The following RALYL variants were observed in gnomAD, a reference collection of about 807,000 sequenced individuals.
RALYL encodes RALY RNA binding protein like.
A neutral mutation model predicts 35.1 loss-of-function variants in RALYL; 29 were observed. The observed-to-expected ratio is 0.83, with a 90% CI of 0.61 to 1.13. The LOEUF (loss-of-function observed/expected upper bound fraction) is 1.13, where lower values mean the gene tolerates loss of function less well. RALYL is among the 50% of genes most tolerant of loss of function. The pLI, the probability that RALYL is intolerant of heterozygous loss-of-function variation, is 0.00. For synonymous variants in RALYL, 120 were observed against 127.6 expected, an observed-to-expected ratio of 0.94 and a Z score of 0.40; for missense variants, 359 against 360.4, an observed-to-expected ratio of 1.00 and a Z score of 0.03.
intron 1 of RALYL, among the ~76,000 whole-genome samples, chr8:84,314,108 G>A (rs1843310568): frequency 6.6e-6 from 1 of 152,110 alleles, no homozygotes; most frequent in Non-Finnish European, 1.5e-5. Flanking sequence ...CAAGGCAGCA[G>A]GAGAGAGAGC....
chr8:84,576,164 A>C (rs1030466837), intron 2 of RALYL, among the ~76,000 whole-genome samples: 1 of 152,178 alleles, frequency 6.6e-6, no homozygotes, highest in African/African-American at 2.4e-5. Flanking sequence ...TTGCTTGTTT[A>C]AAATCAAAAC....
In RALYL at chr8:84,204,960, C is replaced by A. The variant is rs1817722136; in HGVS notation, c.-24+20536C>A. On this transcript the variant is annotated intron_variant, in intron 1 of 8. Transcript: ENST00000521268. ...TTATAGATGATAAACTGGAGGCTCA[C>A]TGGGCCTATGCTTCTTGCCCAGGAT... Among the ~76,000 whole-genome samples the A allele has an allele frequency of 2.0e-5, 3 of 152,118 alleles. No individual in the cohort carries two copies. In the South Asian group the frequency reaches 6.2e-4, roughly 31 times the overall value.
intron 4 of RALYL, among the ~76,000 whole-genome samples, chr8:84,826,523 A>T (rs1310256646): frequency 3.3e-5 from 5 of 152,056 alleles, no homozygotes; most frequent in Non-Finnish European, 1.5e-5. Context: ...TATACCAAAA[A>T]TGTCATCATT....
chr8:84,579,250 A>G (rs1189223432), intron 2 of RALYL, among the ~76,000 whole-genome samples: 1 of 152,186 alleles, frequency 6.6e-6, no homozygotes, highest in Admixed American at 6.5e-5. Context: ...AACAGCACCC[A>G]GGCTTGGCCA....
chr8:84,681,701 G>C (rs1485310571), intron 2 of RALYL, among the ~76,000 whole-genome samples: 1 of 152,154 alleles, frequency 6.6e-6, no homozygotes, highest in Non-Finnish European at 1.5e-5. Context: ...TATCCTAACT[G>C]TTTGCCGCAG....
intron 1 of RALYL, among the ~76,000 whole-genome samples, chr8:84,209,140 A>G (rs1293600762): frequency 1.3e-4 from 20 of 150,996 alleles, no homozygotes; most frequent in Middle Eastern, 6.9e-3. Flanking sequence ...AAAAAAAAAA[A>G]AAAAGAAAAG....
At chr8:84,665,795 C>G (rs991640583) in intron 2 of RALYL, 4 of 151,778 alleles carry the variant, frequency 2.6e-5, no homozygotes, top group Non-Finnish European at 5.9e-5. Context: ...GCATGTAATC[C>G]TTGTGCAGGG....
intron 1 of RALYL, among the ~76,000 whole-genome samples, chr8:84,196,903 G>C (rs1815446636): frequency 6.6e-6 from 1 of 152,146 alleles, no homozygotes; most frequent in Non-Finnish European, 1.5e-5. Flanking sequence ...TTCTTCAGGA[G>C]CAAGATGGCC....
chr8:84,686,955 G>T lies in RALYL; in HGVS notation c.257-87624G>T, dbSNP rs188581943. 3.1e-3 allele frequency among the ~76,000 whole-genome samples: 466 copies of T among 152,084 alleles called. 1 individual carries two copies. The highest frequency in any genetic ancestry group is 6.4e-3 in the South Asian group (31 of 4,824). On this transcript the variant is annotated intron_variant, in intron 2 of 8. Transcript: ENST00000521268. ...CTTTCACTCTAACTGAATTAACTTT[G>T]CCTTGACATTAAATATTACAAATAG... is the stretch of plus-strand genomic sequence containing the variant.
At chr8:84,850,715 A>G (rs537831652) in intron 5 of RALYL, among the ~76,000 whole-genome samples, 1 of 152,340 alleles carries the variant, frequency 6.6e-6, no homozygotes, top group South Asian at 2.1e-4. Context: ...GAAACAGTGC[A>G]TGCCTTCTCA....
In RALYL at chr8:84,311,090, A is replaced by AAAAAAAAAAT. The variant is rs1554614840; in HGVS notation, c.-24+126667_-24+126668insAAAAAAAATA. Among the ~76,000 whole-genome samples, 204 of 99,752 alleles carry AAAAAAAAAAT rather than the reference A, an allele frequency of 2.0e-3. 16 individuals carry two copies. Among genetic ancestry groups the AAAAAAAAAAT allele is most frequent in the Middle Eastern group, 5.5e-3 (1 of 182 alleles). The allele number at this position is 99,752 out of a possible 152,430, so 65.4% of individuals were successfully genotyped here. Reference sequence around the variant, plus strand: ...AAAAAAAAAAAAAAAAAAAAAAAAAAATGTATATTAATGTATAGTATAAAT... The same window carrying AAAAAAAAAAT: ...AAAAAAAAAAAAAAAAAAAAAAAAAAAAAAAAAAATATGTATATTAATGTATAGTATAAAT... On this transcript the variant is annotated intron_variant, in intron 1 of 8. Coordinates refer to ENST00000521268, the MANE Select transcript of RALYL (RefSeq NM_173848.7).
intron 8 of RALYL, among the ~76,000 whole-genome samples, chr8:84,903,487 G>A (rs1262660473): frequency 1.3e-5 from 2 of 152,106 alleles, no homozygotes; most frequent in Non-Finnish European, 2.9e-5. Flanking sequence ...CAGAGAGACA[G>A]ACTAGACCAC....
intron 2 of RALYL, among the ~76,000 whole-genome samples, chr8:84,726,563 A>T (rs773035995): frequency 2.0e-5 from 3 of 151,698 alleles, no homozygotes; most frequent in Non-Finnish European, 2.9e-5. Context: ...TAAGGTAGAA[A>T]TTGCCTTAAA....
At chr8:84,661,084 A>G (rs1830814412) in intron 2 of RALYL, among the ~76,000 whole-genome samples, 1 of 151,804 alleles carries the variant, frequency 6.6e-6, no homozygotes, top group Admixed American at 6.6e-5. Flanking sequence ...GCCCCCCACC[A>G]TGCCCGGCTA....
intron 1 of RALYL, among the ~76,000 whole-genome samples, chr8:84,259,564 A>AT (rs938575513): frequency 1.3e-5 from 2 of 152,096 alleles, no homozygotes; most frequent in African/African-American, 2.4e-5. Context: ...CAGTTTAGTA[A>AT]TTTTTTTAGA....
chr8:84,796,887 C>T (rs1202378058), intron 3 of RALYL, among the ~76,000 whole-genome samples: 3 of 152,262 alleles, frequency 2.0e-5, no homozygotes, highest in African/African-American at 7.2e-5. Flanking sequence ...AATATATGGC[C>T]AGTGTAGCAT....
At chr8:84,589,856 T>C (rs1159351662) in intron 2 of RALYL, among the ~76,000 whole-genome samples, 1 of 152,202 alleles carries the variant, frequency 6.6e-6, no homozygotes, top group Non-Finnish European at 1.5e-5. Flanking sequence ...ATATATAATA[T>C]TTCTATATCA....
chr8:84,386,678 C>T (rs1318408323), intron 1 of RALYL, among the ~76,000 whole-genome samples: 1 of 151,828 alleles, frequency 6.6e-6, no homozygotes, highest in African/African-American at 2.4e-5. Context: ...GGTTACCACA[C>T]TGGCCTGCCT....
intron 8 of RALYL, among the ~76,000 whole-genome samples, chr8:84,905,055 G>A (rs1846262954): frequency 6.6e-6 from 1 of 152,076 alleles, no homozygotes; most frequent in East Asian, 1.9e-4. Context: ...TATTCATCTT[G>A]CTTAACTGAA....
Sources: gnomAD v4.1 joint callset for allele counts (sites outside exome capture counted in the v4.1 genomes callset) on GRCh38, gnomAD v4.1.1 for gene constraint, MANE v1.5 for transcripts, NCBI Gene and HGNC (gene_info 2026-07-23, HGNC 2026-07-21) for gene names.